EIF4H: variants seen among roughly 807,000 people sequenced by gnomAD.
EIF4H encodes the protein eukaryotic translation initiation factor 4H.
EIF4H carries 8 observed loss-of-function variants against 30.6 expected under a neutral mutation model. That is an observed-to-expected ratio of 0.26 (90% confidence interval 0.15 to 0.47). The LOEUF (loss-of-function observed/expected upper bound fraction) is 0.47, where lower values mean the gene tolerates loss of function less well. Among genes scored for constraint, EIF4H ranks in the 20% least tolerant of loss-of-function variants. EIF4H has a pLI of 0.99. For missense variants in EIF4H, 188 were observed against 339.5 expected, an observed-to-expected ratio of 0.55 and a Z score of 3.51; for synonymous variants, 106 against 122.7, an observed-to-expected ratio of 0.86 and a Z score of 0.90.
chr7:74,192,094 G>A (rs1298894436), intron 5 of EIF4H, among the ~76,000 whole-genome samples: 3 of 152,152 alleles, frequency 2.0e-5, no homozygotes, highest in African/African-American at 7.2e-5. Context: ...CAACAGATTT[G>A]ATGAGAGATC....
At chr7:74,195,020 C>T in intron 6 of EIF4H, 142 bp downstream of exon 6, 2 of 1,505,208 alleles carry the variant, frequency 1.3e-6, no homozygotes, top group Non-Finnish European at 1.8e-6. Context: ...GCAAGTTCAC[C>T]TTGGTCATTA....
At chr7:74,182,558 A>T (rs562255155) in intron 1 of EIF4H, among the ~76,000 whole-genome samples, 2 of 151,962 alleles carry the variant, frequency 1.3e-5, no homozygotes, top group South Asian at 4.2e-4. Context: ...AGAGCTAGAA[A>T]CTCCTCTGTT....
In EIF4H at chr7:74,185,275, G is replaced by A. The variant is rs1801056792; in HGVS notation, c.60-2336G>A. Among the ~76,000 whole-genome samples, 5 of 152,326 alleles carry A rather than the reference G, an allele frequency of 3.3e-5. No individual in the cohort carries two copies. In the South Asian group the frequency reaches 8.3e-4, roughly 25 times the overall value. ...CCCAAACTGTTGGGATTACAGGCAT[G>A]AGCCACTGGGCCCGGCTTTATACTG... is the stretch of plus-strand genomic sequence containing the variant. On this transcript the variant is annotated intron_variant, in intron 1 of 6. Transcript: ENST00000265753.
intron 1 of EIF4H, 28 bp from the exon 2 acceptor site, chr7:74,187,583 C>G: frequency 6.5e-7 from 1 of 1,538,948 alleles, no homozygotes; most frequent in East Asian, 2.3e-5. Context: ...TCTGGGCACA[C>G]TTGAATCCTG....
Position 74,187,687 on chromosome 7 carries a change from G to A in EIF4H, c.136G>A (p.Val46Ile), listed in dbSNP as rs1398071056. Reference sequence around the variant, plus strand: ...CACAGAGCCCCCCTACACAGCATACGTAGGAAATCTACCTTTCAATACGGT... The same window carrying A: ...CACAGAGCCCCCCTACACAGCATACATAGGAAATCTACCTTTCAATACGGT... Reference protein sequence around the residue: ...LPTEPPYTAYVGNLPFNTVQG... With the variant: ...LPTEPPYTAYIGNLPFNTVQG... Residue 46 changes from valine to isoleucine, a missense_variant, in exon 2 of 7, where the codon GTA (valine) becomes ATA (isoleucine). By Grantham distance (29) the Val-to-Ile change is conservative (BLOSUM62 3). Coordinates refer to ENST00000265753, the MANE Select transcript of EIF4H (RefSeq NM_022170.2). 29 of 1,613,702 alleles carry A rather than the reference G, an allele frequency of 1.8e-5. No homozygotes were observed. Among genetic ancestry groups the A allele is most frequent in the East Asian group, 2.2e-5 (1 of 44,886 alleles).
At position 74,195,398 on chromosome 7, in the gene EIF4H, C is replaced by T; in HGVS notation, c.*90C>T. 2.1e-6 allele frequency: 3 copies of T among 1,401,940 alleles called. No individual in the cohort carries two copies. Among genetic ancestry groups the T allele is most frequent in the Non-Finnish European group, 2.9e-6 (3 of 1,043,392 alleles). The allele number at this position is 1,401,940 out of a possible 1,614,324, so 86.8% of individuals were successfully genotyped here. ...GGGCAGCCGTCCTGCAGCCGCCACT[C>T]CTGCGCCTGCCATTGGCCTCCTCAC... is the stretch of plus-strand genomic sequence containing the variant. On this transcript the variant is annotated 3_prime_UTR_variant, in exon 7 of 7. Coordinates refer to ENST00000265753, the MANE Select transcript of EIF4H (RefSeq NM_022170.2).
chr7:74,178,222 A>G (rs938263973), intron 1 of EIF4H, among the ~76,000 whole-genome samples: 2 of 152,266 alleles, frequency 1.3e-5, no homozygotes, highest in Admixed American at 1.3e-4. Flanking sequence ...TGTGAGCCAC[A>G]GTACCCAGCC....
At chr7:74,174,726 T>A (rs1056031247) in intron 1 of EIF4H, among the ~76,000 whole-genome samples, 4 of 152,194 alleles carry the variant, frequency 2.6e-5, no homozygotes, top group Non-Finnish European at 4.4e-5. Flanking sequence ...GCGGCGCCGA[T>A]GCCCGGAGAC....
chr7:74,190,024 AG>A, intron 4 of EIF4H, 106 bp downstream of exon 4: 1 of 1,335,152 alleles, frequency 7.5e-7, no homozygotes, highest in Non-Finnish European at 1.0e-6. Flanking sequence ...TAGGTGTGAT[AG>A]GTTCTCGTGA....
intron 1 of EIF4H, among the ~76,000 whole-genome samples, chr7:74,185,304 C>G (rs550165723): frequency 6.6e-6 from 1 of 152,282 alleles, no homozygotes; most frequent in East Asian, 1.9e-4. Flanking sequence ...TATACTGTAA[C>G]TCATATATTT....
At chr7:74,190,348 G>T (rs781841187) in intron 5 of EIF4H, 42 bp downstream of exon 5, 3 of 1,591,534 alleles carry the variant, frequency 1.9e-6, no homozygotes. Flanking sequence ...TTTCCTAGGA[G>T]CCTTGCTGCT....
At chr7:74,181,143 T>G (rs1234585824) in intron 1 of EIF4H, among the ~76,000 whole-genome samples, 4 of 152,128 alleles carry the variant, frequency 2.6e-5, no homozygotes, top group Admixed American at 2.6e-4. Context: ...AAACAGAAAC[T>G]CTATACCCAC....
In EIF4H at chr7:74,189,869, A is replaced by G. The variant is rs1801164331; in HGVS notation, c.360A>G (p.Lys120=). Reference sequence around the variant, plus strand: ...GTGTGGACATTGCAGAAGGCAGAAAACAAGATAAAGGTGGCTTTGGATTCA... The same window carrying G: ...GTGTGGACATTGCAGAAGGCAGAAAGCAAGATAAAGGTGGCTTTGGATTCA... ...SLRVDIAEGR[K]QDKGGFGFRK... The change falls in exon 4 of 7, where the codon AAA becomes AAG. Residue 120 remains lysine, a synonymous_variant. Transcript: ENST00000265753. The G allele has an allele frequency of 6.2e-7, 1 of 1,614,092 alleles. No homozygotes were observed. Among genetic ancestry groups the G allele is most frequent in the African/African-American group, 1.3e-5 (1 of 74,928 alleles).
At chr7:74,190,374 C>A in intron 5 of EIF4H, 68 bp downstream of exon 5, 1 of 1,490,230 alleles carries the variant, frequency 6.7e-7, no homozygotes, top group Non-Finnish European at 9.4e-7. Context: ...CTGTTTCTTA[C>A]GAGTAGCCCG....
chr7:74,177,396 G>T (rs1375448782), intron 1 of EIF4H, among the ~76,000 whole-genome samples: 2 of 152,080 alleles, frequency 1.3e-5, no homozygotes, highest in African/African-American at 4.8e-5. Flanking sequence ...ATACATTTCA[G>T]GGATATTGAG....
intron 1 of EIF4H, among the ~76,000 whole-genome samples, chr7:74,177,442 C>T (rs1264565343): frequency 1.3e-5 from 2 of 152,182 alleles, no homozygotes; most frequent in African/African-American, 2.4e-5. Flanking sequence ...CACTATCCAG[C>T]TCCTTAACTC....
intron 5 of EIF4H, 64 bp downstream of exon 5, chr7:74,190,370 C>G: frequency 6.6e-7 from 1 of 1,524,218 alleles, no homozygotes; most frequent in Non-Finnish European, 9.1e-7. Context: ...TTCTCTGTTT[C>G]TTACGAGTAG....
chr7:74,184,443 T>C (rs531675589), intron 1 of EIF4H, among the ~76,000 whole-genome samples: 3 of 152,328 alleles, frequency 2.0e-5, no homozygotes, highest in Non-Finnish European at 2.9e-5. Flanking sequence ...TTTATGTATA[T>C]GTTACACATT....
chr7:74,175,149 A>G (rs1800809333), intron 1 of EIF4H, among the ~76,000 whole-genome samples: 1 of 152,216 alleles, frequency 6.6e-6, no homozygotes, highest in Non-Finnish European at 1.5e-5. Context: ...TGGAGAAGGA[A>G]CCGCATTTAG....
Sources: allele counts gnomAD v4.1 joint callset (sites outside exome capture counted in the v4.1 genomes callset), GRCh38; gene constraint gnomAD v4.1.1; transcripts MANE v1.5; gene names NCBI Gene and HGNC (gene_info 2026-07-23, HGNC 2026-07-21).